Variants in CEP85 observed in about 807,000 individuals in gnomAD.
CEP85 encodes centrosomal protein 85.
A neutral mutation model predicts 93.7 loss-of-function variants in CEP85; 58 were observed. The observed-to-expected ratio is 0.62, with a 90% CI of 0.50 to 0.77. The LOEUF (loss-of-function observed/expected upper bound fraction) is 0.77. Among genes scored for constraint, CEP85 ranks in the 30% least tolerant of loss-of-function variants. CEP85 has a pLI of 0.00. For missense variants in CEP85, 868 were observed against 922.0 expected, an observed-to-expected ratio of 0.94 and a Z score of 0.76; for synonymous variants, 314 against 338.6, an observed-to-expected ratio of 0.93 and a Z score of 0.80.
intron 9 of CEP85, 144 bp downstream of exon 9, chr1:26,269,758 A>T: frequency 4.1e-6 from 2 of 481,968 alleles, no homozygotes. Flanking sequence ...TGTGAATAAT[A>T]GGAAAGCTGC....
At chr1:26,262,768 G>C (rs1197153736) in intron 7 of CEP85, among the ~76,000 whole-genome samples, 1 of 152,292 alleles carries the variant, frequency 6.6e-6, no homozygotes. Context: ...TTGCTCAAAT[G>C]TGAAGGAATT....
intron 1 of CEP85, among the ~76,000 whole-genome samples, chr1:26,238,074 A>C (rs564149410): frequency 6.0e-5 from 9 of 150,292 alleles, no homozygotes; most frequent in Non-Finnish European, 1.3e-4. Context: ...TACTTTAGTG[A>C]CCTCTATAGT....
intron 7 of CEP85, among the ~76,000 whole-genome samples, chr1:26,263,890 A>G (rs2089851937): frequency 6.6e-6 from 1 of 152,182 alleles, no homozygotes. Context: ...AAACCAGAGT[A>G]TATGGAGGGC....
chr1:26,275,508 T>C (rs1243323192), intron 12 of CEP85, among the ~76,000 whole-genome samples: 21 of 152,320 alleles, frequency 1.4e-4, no homozygotes, highest in African/African-American at 5.1e-4. Context: ...CTTCATCTCC[T>C]GACCTTGTGA....
rs1355877941 is a variant in CEP85 at position 26,268,477 on chromosome 1, TC to T, written c.1342-4del. The T allele has an allele frequency of 6.2e-7, 1 of 1,614,054 alleles. No individual in the cohort carries two copies. The highest frequency in any genetic ancestry group is 8.5e-7 in the Non-Finnish European group (1 of 1,179,970). On this transcript the variant is annotated splice_region_variant and splice_polypyrimidine_tract_variant and intron_variant, in intron 7 of 13. Transcript: ENST00000451429. ...GTGGAGACAGACTTGACATTTATTT[TC>T]CTAGGTCAAAGGTCGTGATAAACAT...
At chr1:26,236,691 T>C (rs575957252) in intron 1 of CEP85, among the ~76,000 whole-genome samples, 176 of 152,342 alleles carry the variant, frequency 1.2e-3, no homozygotes, top group Non-Finnish European at 1.9e-3. Flanking sequence ...CTGAGCCAAA[T>C]ATGGGTGACC....
At chr1:26,261,270 C>T (rs1039176754) in intron 7 of CEP85, among the ~76,000 whole-genome samples, 2 of 151,184 alleles carry the variant, frequency 1.3e-5, no homozygotes, top group Admixed American at 6.6e-5. Flanking sequence ...GTCAGGGGTT[C>T]GAGACCAGCC....
At chr1:26,277,097 ATAAC>A (rs2090064566) in intron 13 of CEP85, 35 bp from the exon 14 acceptor site, 11 of 1,599,748 alleles carry the variant, frequency 6.9e-6, no homozygotes, top group African/African-American at 4.0e-5. Flanking sequence ...AAAATGTCTC[ATAAC>A]TAACATTCTC....
In CEP85 at chr1:26,257,840, G is replaced by A. The variant is rs74064604; in HGVS notation, c.1037+110G>A. 4.1e-3 allele frequency: 5,145 copies of A among 1,246,506 alleles called. 135 individuals carry two copies. In the African/African-American group the frequency reaches 0.064, roughly 16 times the overall value. 77.2% of individuals were successfully genotyped at this position (1,246,506 alleles called of 1,614,324 possible). The stretch of plus-strand genomic sequence containing the variant: ...GCATTCCTCCTCTGTTTAGGTCCAT[G>A]TCTTGCCTCATGGTGGAGGTAGTTT... On this transcript the variant is annotated intron_variant, in intron 5 of 13. Transcript: ENST00000451429.
intron 11 of CEP85, 106 bp downstream of exon 11, chr1:26,272,177 G>A: frequency 1.8e-6 from 2 of 1,115,426 alleles, no homozygotes; most frequent in Non-Finnish European, 2.7e-6. Context: ...CTCAGTGTTA[G>A]GGATACAAAA....
At position 26,244,371 on chromosome 1, in the gene CEP85, G is replaced by A. The variant is rs116568532; in HGVS notation, c.208+53G>A. ...CAATATGTGTTCTCATTTTCAGATT[G>A]CATTTTGGGTATATTGGCATTTCCA... On this transcript the variant is annotated intron_variant, in intron 3 of 13. Transcript: ENST00000451429. The A allele has an allele frequency of 9.9e-4, 1,508 of 1,530,016 alleles. 12 individuals are homozygous for A. The African/African-American group carries it at 0.013, about 13-fold the overall frequency. 94.8% of individuals were successfully genotyped at this position (1,530,016 alleles called of 1,614,324 possible). A position where few individuals can be genotyped will look rare whatever the true frequency, so the allele number is the denominator to read the frequency against.
At chr1:26,269,870 TCC>T (rs2089948624) in intron 9 of CEP85, among the ~76,000 whole-genome samples, 1 of 132,054 alleles carries the variant, frequency 7.6e-6, no homozygotes, top group African/African-American at 2.8e-5. Context: ...CACTGCAAGC[TCC>T]GCCTCCCAGG....
intron 3 of CEP85, among the ~76,000 whole-genome samples, chr1:26,253,826 G>A (rs1373461858): frequency 6.6e-6 from 1 of 151,830 alleles, no homozygotes; most frequent in Non-Finnish European, 1.5e-5. Flanking sequence ...TGGATCACTT[G>A]AGCCCATGAG....
chr1:26,269,419 A>G (rs781506042), intron 8 of CEP85, 41 bp from the exon 9 acceptor site: 4 of 1,601,340 alleles, frequency 2.5e-6, no homozygotes, highest in Non-Finnish European at 3.4e-6. Context: ...CATTTATAAC[A>G]CTTGGCTTAT....
intron 11 of CEP85, among the ~76,000 whole-genome samples, chr1:26,273,289 C>T (rs963836197): frequency 1.3e-5 from 2 of 152,104 alleles, no homozygotes; most frequent in Non-Finnish European, 1.5e-5. Context: ...TCTCTTTGGA[C>T]TCTAAAAGTT....
intron 11 of CEP85, among the ~76,000 whole-genome samples, chr1:26,274,572 A>C (rs141730116): frequency 1.5e-3 from 235 of 152,288 alleles, no homozygotes; most frequent in African/African-American, 5.4e-3. Flanking sequence ...GGTTTCCTGG[A>C]GGTAACAGCA....
rs546141211 is a variant in CEP85, at chr1:26,255,158, A to G, written c.209-13A>G. On this transcript the variant is annotated splice_polypyrimidine_tract_variant and intron_variant, in intron 3 of 13. Coordinates refer to ENST00000451429, the MANE Select transcript of CEP85 (RefSeq NM_001319944.2). ...CTTCAATTTTTACTTATGGAAGACT[A>G]TTCTCTCCCCAGATTTTTGCAGCTC... 2.7e-5 allele frequency: 44 copies of G among 1,607,284 alleles called. No homozygotes were observed. Among genetic ancestry groups the G allele is most frequent in the Admixed American group, 5.0e-5 (3 of 59,572 alleles).
In CEP85 at chr1:26,244,812, G is replaced by T. The variant is rs554368424; in HGVS notation, c.208+494G>T. Among the ~76,000 whole-genome samples, 51 of 152,124 alleles carry T rather than the reference G, an allele frequency of 3.4e-4. 1 individual carries two copies. Among genetic ancestry groups the T allele is most frequent in the Middle Eastern group, 3.4e-3 (1 of 292 alleles). ...GCTGAGATTACAGGAATGAGCCCCTGTGCCTAGCCTTTGAAACAACTTTCT... is the reference window on the plus strand; with the variant it reads ...GCTGAGATTACAGGAATGAGCCCCTTTGCCTAGCCTTTGAAACAACTTTCT... On this transcript the variant is annotated intron_variant, in intron 3 of 13. Coordinates refer to ENST00000451429, the MANE Select transcript of CEP85 (RefSeq NM_001319944.2).
intron 11 of CEP85, among the ~76,000 whole-genome samples, chr1:26,272,568 A>G (rs2089990744): frequency 6.6e-6 from 1 of 151,548 alleles, no homozygotes; most frequent in South Asian, 2.1e-4. Flanking sequence ...TTATCTATCA[A>G]CTAAGTTAGC....
Sources: allele counts gnomAD v4.1 joint callset (sites outside exome capture counted in the v4.1 genomes callset), GRCh38; gene constraint gnomAD v4.1.1; transcripts MANE v1.5; gene names NCBI Gene and HGNC (gene_info 2026-07-23, HGNC 2026-07-21).